MTMR7: variants seen among roughly 807,000 people sequenced by gnomAD.
MTMR7 encodes myotubularin related protein 7.
A neutral mutation model predicts 81.2 loss-of-function variants in MTMR7; 76 were observed. The observed-to-expected ratio is 0.94, with a 90% CI of 0.78 to 1.13. The LOEUF is 1.13. MTMR7 is among the 50% of genes most tolerant of loss of function. MTMR7 has a pLI of 0.00. For synonymous variants in MTMR7, 372 were observed against 289.8 expected, an observed-to-expected ratio of 1.28 and a Z score of -2.88; for missense variants, 1,044 against 820.0, an observed-to-expected ratio of 1.27 and a Z score of -3.34.
chr8:17,347,721 G>A (rs545614902), intron 5 of MTMR7, among the ~76,000 whole-genome samples: 1 of 152,076 alleles, frequency 6.6e-6, no homozygotes, highest in Non-Finnish European at 1.5e-5. Flanking sequence ...TTGCTCATCC[G>A]AATTTGTTTT....
At chr8:17,351,269 A>G (rs367955107) in intron 4 of MTMR7, among the ~76,000 whole-genome samples, 1 of 152,232 alleles carries the variant, frequency 6.6e-6, no homozygotes, top group Non-Finnish European at 1.5e-5. Flanking sequence ...ATTTGTCAAC[A>G]TGCTTATTTC....
At chr8:17,405,863 CACACACACACACACA>C (rs1821565506) in intron 1 of MTMR7, among the ~76,000 whole-genome samples, 4 of 94,138 alleles carry the variant, frequency 4.2e-5, no homozygotes, top group Admixed American at 3.6e-4. Flanking sequence ...CACACACACA[CACACACACACACACA>C]CCACAGAGAA....
chr8:17,378,526 A>G (rs1046611208), intron 1 of MTMR7, among the ~76,000 whole-genome samples: 24 of 152,202 alleles, frequency 1.6e-4, no homozygotes, highest in African/African-American at 5.8e-4. Context: ...ACAAAGTAAT[A>G]AGGCCAGTTT....
intron 3 of MTMR7, among the ~76,000 whole-genome samples, chr8:17,366,328 A>T (rs1820223809): frequency 6.6e-6 from 1 of 152,214 alleles, no homozygotes; most frequent in African/African-American, 2.4e-5. Flanking sequence ...TATTTAGGAT[A>T]AATATATGGA....
At chr8:17,367,082 T>C (rs1820250846) in intron 3 of MTMR7, among the ~76,000 whole-genome samples, 1 of 152,028 alleles carries the variant, frequency 6.6e-6, no homozygotes, top group Non-Finnish European at 1.5e-5. Flanking sequence ...TACGCTCTGA[T>C]AAAAAAGAAA....
chr8:17,302,712 C>G (rs921574502), intron 12 of MTMR7, among the ~76,000 whole-genome samples: 4 of 72,330 alleles, frequency 5.5e-5, no homozygotes, highest in Non-Finnish European at 8.2e-5. Flanking sequence ...AACCCCCCCC[C>G]CCCCGCTTTT....
At chr8:17,405,207 G>A (rs1051856702) in intron 1 of MTMR7, among the ~76,000 whole-genome samples, 1 of 152,128 alleles carries the variant, frequency 6.6e-6, no homozygotes, top group African/African-American at 2.4e-5. Flanking sequence ...CAAATACTAG[G>A]GGATTCACTG....
chr8:17,380,439 G>T (rs1563369349), intron 1 of MTMR7, among the ~76,000 whole-genome samples: 1 of 152,022 alleles, frequency 6.6e-6, no homozygotes, highest in South Asian at 2.1e-4. Context: ...CCCAGATCCT[G>T]CAGGGAACAG....
rs189361814 is a variant in MTMR7, at chr8:17,379,165, C to T, written c.25-5925G>A. Among the ~76,000 whole-genome samples, 178 of 152,164 alleles carry T rather than the reference C, an allele frequency of 1.2e-3. 1 individual carries two copies. The highest frequency in any genetic ancestry group is 3.4e-3 in the Middle Eastern group (1 of 294). On this transcript the variant is annotated intron_variant, in intron 1 of 13. Coordinates refer to ENST00000180173, the MANE Select transcript of MTMR7 (RefSeq NM_004686.5). ...GAGTAAGGCAAGAACTGTAAGTGGC[C>T]CACTACATTCAGGAACATGGGGGCA... is the stretch of plus-strand genomic sequence containing the variant.
At chr8:17,337,079 G>T in intron 6 of MTMR7, among the ~76,000 whole-genome samples, 1 of 152,056 alleles carries the variant, frequency 6.6e-6, no homozygotes, top group East Asian at 1.9e-4. Context: ...AACTAAATGA[G>T]AAAGTACCTT....
chr8:17,410,030 C>A (rs986131880), intron 1 of MTMR7, among the ~76,000 whole-genome samples: 22 of 152,242 alleles, frequency 1.4e-4, no homozygotes, highest in African/African-American at 5.1e-4. Flanking sequence ...CACTTTATAT[C>A]CTGGGTACAA....
chr8:17,357,291 C>T (rs7836755), intron 4 of MTMR7, among the ~76,000 whole-genome samples: 54,861 of 151,988 alleles, frequency 0.36, 12,701 homozygotes, highest in East Asian at 0.71. Flanking sequence ...TATTTGCTAA[C>T]ATTTATCAAG....
intron 4 of MTMR7, among the ~76,000 whole-genome samples, chr8:17,355,600 C>G (rs1449870698): frequency 6.6e-6 from 1 of 150,734 alleles, no homozygotes; most frequent in Non-Finnish European, 1.5e-5. Flanking sequence ...TGCTAAAAGA[C>G]AAAACATGGT....
chr8:17,383,794 C>T (rs1227127630), intron 1 of MTMR7, among the ~76,000 whole-genome samples: 2 of 152,002 alleles, frequency 1.3e-5, no homozygotes, highest in South Asian at 2.1e-4. Context: ...TCCCGGTGGT[C>T]GAGGGATTCT....
At chr8:17,364,643 G>C (rs556434804) in intron 3 of MTMR7, among the ~76,000 whole-genome samples, 2 of 152,210 alleles carry the variant, frequency 1.3e-5, no homozygotes, top group Non-Finnish European at 2.9e-5. Context: ...AACTGTCATA[G>C]ATCCCACATG....
chr8:17,317,326 G>C (rs1404254686), intron 7 of MTMR7, among the ~76,000 whole-genome samples: 2 of 152,172 alleles, frequency 1.3e-5, no homozygotes. Flanking sequence ...TAACATCTGC[G>C]AGTCCTTTGT....
At chr8:17,402,450 C>G (rs905768258) in intron 1 of MTMR7, among the ~76,000 whole-genome samples, 1 of 152,156 alleles carries the variant, frequency 6.6e-6, no homozygotes, top group African/African-American at 2.4e-5. Context: ...CTTCTACCCT[C>G]TGTCTCCATG....
chr8:17,333,579 G>C (rs1274565579), intron 6 of MTMR7, among the ~76,000 whole-genome samples: 1 of 152,208 alleles, frequency 6.6e-6, no homozygotes, highest in Non-Finnish European at 1.5e-5. Flanking sequence ...GCCAGGCACA[G>C]TGGCTCATGC....
In MTMR7 at chr8:17,373,213, C is replaced by G. The variant is rs748502084; in HGVS notation, c.52G>C (p.Val18Leu). 6.2e-7 allele frequency: 1 copy of G among 1,613,510 alleles called. No individual in the cohort carries two copies. The highest frequency in any genetic ancestry group is 1.3e-5 in the African/African-American group (1 of 74,894). ...KVENVRLVDR[V>L]SPKKAALGTL... ...CCTAGAGCTGCTTTTTTAGGAGACA[C>G]TCGATCTACCAAGCGGACATTTTCA... is the stretch of plus-strand genomic sequence containing the variant. Residue 18 changes from valine to leucine, a missense_variant, in exon 2 of 14, where the codon GTG (valine) becomes CTG (leucine). By Grantham distance (32) the Val-to-Leu change is conservative. Coordinates refer to ENST00000180173, the MANE Select transcript of MTMR7 (RefSeq NM_004686.5).
Sources: gnomAD v4.1 joint callset for allele counts (sites outside exome capture counted in the v4.1 genomes callset) on GRCh38, gnomAD v4.1.1 for gene constraint, MANE v1.5 for transcripts, NCBI Gene and HGNC (gene_info 2026-07-23, HGNC 2026-07-21) for gene names.